GMCL1: variants seen among roughly 807,000 people sequenced by gnomAD.
The protein encoded by GMCL1 is germ cell-less protein-like 1.
Under a neutral mutation model 75.5 loss-of-function variants are expected in GMCL1, and 54 were observed. The observed-to-expected ratio is 0.71, with a 90% confidence interval of 0.57 to 0.90. The LOEUF is 0.90. Among genes scored for constraint, GMCL1 ranks in the 40% least tolerant of loss-of-function variants. The pLI is 0.00. For synonymous variants in GMCL1, 210 were observed against 209.6 expected (o/e 1.00, Z -0.02); for missense variants, 537 against 622.7 (o/e 0.86, Z 1.47).
chr2:69,845,240 A>G (rs769872113), intron 6 of GMCL1, among the ~76,000 whole-genome samples: 11 of 152,358 alleles, frequency 7.2e-5, no homozygotes, highest in Middle Eastern at 3.4e-3. Flanking sequence ...GGTCAGACGC[A>G]GCACAGCGCA....
intron 1 of GMCL1, among the ~76,000 whole-genome samples, chr2:69,835,585 G>A (rs1286006046): frequency 6.6e-6 from 1 of 152,104 alleles, no homozygotes; most frequent in Admixed American, 6.5e-5. Context: ...AGAAGACTAC[G>A]AAGTTGGTTA....
At chr2:69,831,466 CAGGCTGGTCTCAAACGCCTGGGTT>C (rs1305682400) in intron 1 of GMCL1, among the ~76,000 whole-genome samples, 3 of 152,092 alleles carry the variant, frequency 2.0e-5, no homozygotes, top group Non-Finnish European at 4.4e-5. Context: ...CTATATTGCC[CAGGCTGGTCTCAAACGCCTGGGTT>C]GAAGCGATCC....
At chr2:69,845,900 A>G (rs1187986588) in intron 6 of GMCL1, among the ~76,000 whole-genome samples, 7 of 152,090 alleles carry the variant, frequency 4.6e-5, no homozygotes, top group Non-Finnish European at 2.9e-5. Context: ...TCTGATGGAA[A>G]TGTACAAAAC....
At chr2:69,874,716 T>C (rs72899299) in intron 13 of GMCL1, among the ~76,000 whole-genome samples, 9,684 of 151,850 alleles carry the variant, frequency 0.064, 848 homozygotes, top group Admixed American at 0.21. Flanking sequence ...ATATTAAAAA[T>C]ACATTTGTGA....
At chr2:69,840,740 T>G (rs1674960438) in intron 3 of GMCL1, among the ~76,000 whole-genome samples, 1 of 152,224 alleles carries the variant, frequency 6.6e-6, no homozygotes. Flanking sequence ...AAACAGAAAT[T>G]TATAACCTTG....
At chr2:69,835,744 T>A (rs747226843) in intron 1 of GMCL1, among the ~76,000 whole-genome samples, 4 of 152,344 alleles carry the variant, frequency 2.6e-5, no homozygotes, top group Non-Finnish European at 5.9e-5. Context: ...GCATGGTATC[T>A]GAAAGATGTT....
At position 69,844,544 on chromosome 2, in the gene GMCL1, C is replaced by CT. The variant is rs34141260; in HGVS notation, c.758+367dup. ...ATAAGTTTGAAGAAACTGTTTTGGC[C>CT]TTTTTTTTTTTTTTTTTTTACCTTC... is the stretch of plus-strand genomic sequence containing the variant. On this transcript the variant is annotated intron_variant, in intron 6 of 13. Coordinates refer to ENST00000282570, the MANE Select transcript of GMCL1 (RefSeq NM_178439.5). 6.2e-3 allele frequency: 814 copies of CT among 132,196 alleles called. 11 individuals are homozygous for CT. The highest frequency in any genetic ancestry group is 0.019 in the African/African-American group (694 of 36,416). 8.2% of individuals were successfully genotyped at this position (132,196 alleles called of 1,614,324 possible).
chr2:69,844,854 TG>T, intron 6 of GMCL1: 1 of 377,678 alleles, frequency 2.6e-6, no homozygotes, highest in South Asian at 2.0e-5. Flanking sequence ...CAAGGTCTTC[TG>T]AACCAGGTCA....
At chr2:69,846,952 C>A (rs556952445) in intron 6 of GMCL1, among the ~76,000 whole-genome samples, 2 of 151,944 alleles carry the variant, frequency 1.3e-5, no homozygotes, top group Admixed American at 1.3e-4. Context: ...ACCCCTTCAG[C>A]CTCCCGAGTA....
intron 13 of GMCL1, 43 bp downstream of exon 13, chr2:69,871,875 T>C: frequency 8.5e-7 from 1 of 1,183,358 alleles, no homozygotes; most frequent in Non-Finnish European, 1.2e-6. Context: ...AATATTTGTC[T>C]TTTGAATCCT....
intron 9 of GMCL1, among the ~76,000 whole-genome samples, chr2:69,857,012 C>T (rs1010430727): frequency 6.6e-6 from 1 of 152,148 alleles, no homozygotes; most frequent in South Asian, 2.1e-4. Context: ...GCACTTTCTT[C>T]CTAAAACCTG....
intron 8 of GMCL1, among the ~76,000 whole-genome samples, chr2:69,852,743 T>A (rs764034964): frequency 6.6e-5 from 10 of 152,216 alleles, no homozygotes; most frequent in Non-Finnish European, 1.2e-4. Flanking sequence ...TTTGCCATGT[T>A]GGCCAGGCTG....
intron 12 of GMCL1, 35 bp from the exon 13 acceptor site, chr2:69,871,710 C>A (rs1558552402): frequency 4.4e-6 from 5 of 1,137,632 alleles, no homozygotes; most frequent in South Asian, 4.3e-5. Flanking sequence ...GTTTAAAAAT[C>A]TTGTGTTTAT....
intron 13 of GMCL1, among the ~76,000 whole-genome samples, chr2:69,878,434 C>T (rs1573379733): frequency 6.6e-6 from 1 of 152,038 alleles, no homozygotes; most frequent in East Asian, 1.9e-4. Flanking sequence ...ATCTCTTGAG[C>T]CCAGGAGTTC....
intron 1 of GMCL1, among the ~76,000 whole-genome samples, chr2:69,834,533 A>G (rs1234467906): frequency 2.0e-5 from 3 of 152,178 alleles, no homozygotes; most frequent in Non-Finnish European, 4.4e-5. Flanking sequence ...AACTTTCTTC[A>G]TATCTTTGAT....
At chr2:69,861,148 T>C in intron 9 of GMCL1, 130 bp from the exon 10 acceptor site, 1 of 656,918 alleles carries the variant, frequency 1.5e-6, no homozygotes, top group South Asian at 2.2e-5. Flanking sequence ...TGGCCTAAGC[T>C]ACCTAATTTT....
At chr2:69,844,087 A>G (rs1433874859) in intron 5 of GMCL1, 44 bp from the exon 6 acceptor site, 1 of 923,356 alleles carries the variant, frequency 1.1e-6, no homozygotes, top group East Asian at 2.9e-5. Context: ...AATAAATTGT[A>G]AATACATGGC....
chr2:69,861,246 T>C (rs761009014), intron 9 of GMCL1, 32 bp from the exon 10 acceptor site: 1 of 1,393,814 alleles, frequency 7.2e-7, no homozygotes, highest in South Asian at 1.2e-5. Flanking sequence ...TCAGTCGTTA[T>C]TTATTATTAT....
intron 9 of GMCL1, among the ~76,000 whole-genome samples, chr2:69,860,622 T>C (rs1675612618): frequency 6.6e-6 from 1 of 152,178 alleles, no homozygotes; most frequent in Non-Finnish European, 1.5e-5. Context: ...GTTTCAGATA[T>C]GATTTTTACA....
Sources: gnomAD v4.1 joint callset for allele counts (sites outside exome capture counted in the v4.1 genomes callset) on GRCh38, gnomAD v4.1.1 for gene constraint, MANE v1.5 for transcripts, NCBI Gene and HGNC (gene_info 2026-07-23, HGNC 2026-07-21) for gene names.